VSTM5: variants seen among roughly 807,000 people sequenced by gnomAD.
VSTM5 encodes V-set and transmembrane domain-containing protein 5.
VSTM5 carries 21 observed loss-of-function variants against 20.3 expected under a neutral mutation model. The ratio of observed to expected loss-of-function variants is 1.03; its 90% CI spans 0.73 to 1.49. The LOEUF is 1.49. VSTM5 is among the 40% of genes most tolerant of loss of function. VSTM5 has a pLI of 0.00. For synonymous variants in VSTM5, 100 were observed against 102.5 expected (o/e 0.98, Z 0.14); for missense variants, 219 against 250.0 (o/e 0.88, Z 0.84).
At chr11:93,840,247 T>G (rs1944360085) in intron 1 of VSTM5, among the ~76,000 whole-genome samples, 1 of 152,252 alleles carries the variant, frequency 6.6e-6, no homozygotes, top group South Asian at 2.1e-4. Context: ...GCTAATCTGT[T>G]GTTTTCAAAA....
In VSTM5 at chr11:93,820,475, G is replaced by T; in HGVS notation, c.*94C>A. 7.2e-7 allele frequency: 1 copy of T among 1,392,388 alleles called. No individual in the cohort carries two copies. Among genetic ancestry groups the T allele is most frequent in the South Asian group, 1.3e-5 (1 of 77,346 alleles). 86.3% of individuals were successfully genotyped at this position (1,392,388 alleles called of 1,614,324 possible). On this transcript the variant is annotated 3_prime_UTR_variant, in exon 4 of 4. Coordinates refer to ENST00000409977, the MANE Select transcript of VSTM5 (RefSeq NM_001144871.2). The stretch of plus-strand genomic sequence containing the variant: ...GTCCTGTTAGGAGCGGGCTGCAACA[G>T]GACCACACACAATGGGTATAATAGC...
rs74759212 is a variant in VSTM5 at position 93,843,817 on chromosome 11, C to T, written c.91+6595G>A. On this transcript the variant is annotated intron_variant, in intron 1 of 3. Coordinates refer to ENST00000409977, the MANE Select transcript of VSTM5 (RefSeq NM_001144871.2). ...TGGTCCCAACTTTCTTTTCCATCTACATCTCCTATGACTCCTCACCCCCAA... is the reference window on the plus strand; with the variant it reads ...TGGTCCCAACTTTCTTTTCCATCTATATCTCCTATGACTCCTCACCCCCAA... 4.5e-3 allele frequency among the ~76,000 whole-genome samples: 689 copies of T among 152,282 alleles called. 7 individuals are homozygous for T. Among genetic ancestry groups the T allele is most frequent in the African/African-American group, 0.016 (659 of 41,538 alleles).
intron 1 of VSTM5, among the ~76,000 whole-genome samples, chr11:93,829,539 A>C (rs567585427): frequency 6.6e-6 from 1 of 152,300 alleles, no homozygotes; most frequent in Non-Finnish European, 1.5e-5. Flanking sequence ...AAGAAAAAAG[A>C]AAAAAAGAAA....
chr11:93,842,934 T>C (rs1944382346), intron 1 of VSTM5, among the ~76,000 whole-genome samples: 1 of 151,890 alleles, frequency 6.6e-6, no homozygotes, highest in African/African-American at 2.4e-5. Context: ...AAACCAAAAA[T>C]ACAAAAATTA....
At position 93,820,394 on chromosome 11, in the gene VSTM5, C is replaced by A. The variant is rs1000361346; in HGVS notation, c.*175G>T. 8.9e-6 allele frequency: 6 copies of A among 670,618 alleles called. No homozygotes were observed. The highest frequency in any genetic ancestry group is 1.5e-5 in the Non-Finnish European group (6 of 393,192). 41.5% of individuals were successfully genotyped at this position (670,618 alleles called of 1,614,324 possible). On this transcript the variant is annotated 3_prime_UTR_variant, in exon 4 of 4. Coordinates refer to ENST00000409977, the MANE Select transcript of VSTM5 (RefSeq NM_001144871.2). ...AACTTAGCGCGAGTCCTAATACTAG[C>A]TTTGTCCCATCCACAGTCCTCAACT...
At chr11:93,846,802 C>G (rs1279271975) in intron 1 of VSTM5, among the ~76,000 whole-genome samples, 2 of 140,306 alleles carry the variant, frequency 1.4e-5, no homozygotes, top group East Asian at 4.0e-4. Flanking sequence ...GAGTCTCACT[C>G]TGTCACCAGG....
intron 1 of VSTM5, among the ~76,000 whole-genome samples, chr11:93,846,844 G>A (rs1299514286): frequency 6.8e-6 from 1 of 147,864 alleles, no homozygotes; most frequent in East Asian, 2.0e-4. Context: ...TCGGCTCACT[G>A]CAACCTCTGC....
intron 1 of VSTM5, among the ~76,000 whole-genome samples, chr11:93,836,348 C>T (rs868456303): frequency 2.0e-5 from 3 of 152,226 alleles, no homozygotes; most frequent in Admixed American, 6.5e-5. Flanking sequence ...CCTTGTCTGG[C>T]TCTCCATTGC....
chr11:93,837,503 G>C (rs1944333464), intron 1 of VSTM5, among the ~76,000 whole-genome samples: 2 of 151,984 alleles, frequency 1.3e-5, no homozygotes, highest in African/African-American at 4.8e-5. Flanking sequence ...GGAAGCAAGG[G>C]CTTCAGAGGA....
chr11:93,845,605 G>A (rs1004662684), intron 1 of VSTM5, among the ~76,000 whole-genome samples: 1 of 152,124 alleles, frequency 6.6e-6, no homozygotes, highest in Admixed American at 6.5e-5. Flanking sequence ...TGCTGGATAA[G>A]TAATTACTTT....
At chr11:93,839,379 A>G (rs1944351842) in intron 1 of VSTM5, among the ~76,000 whole-genome samples, 1 of 152,122 alleles carries the variant, frequency 6.6e-6, no homozygotes, top group Admixed American at 6.5e-5. Context: ...GTCTAGGGAG[A>G]GGCCTGGCAC....
In VSTM5 at chr11:93,821,155, GC is replaced by G. The variant is rs2135728830; in HGVS notation, c.259del (p.Ala87ProfsTer26). On this transcript the variant is annotated frameshift_variant, in exon 2 of 4. Coordinates refer to ENST00000409977, the MANE Select transcript of VSTM5 (RefSeq NM_001144871.2). LOFTEE classifies it high-confidence loss of function. ...KIVEWKPGTQANISQSHKDRV... is the reference protein window; with the variant it reads ...KIVEWKPGTQXNISQSHKDRV... ...GTCCTTGTGGCTTTGAGAGATGTTG[GC>G]CTGAGTCCCTGGTTTCCACTCCACG... 6.4e-7 allele frequency: 1 copy of G among 1,552,166 alleles called. No homozygotes were observed. The highest frequency in any genetic ancestry group is 8.7e-7 in the Non-Finnish European group (1 of 1,147,086).
intron 1 of VSTM5, among the ~76,000 whole-genome samples, chr11:93,841,752 A>G (rs966353479): frequency 2.6e-5 from 4 of 152,226 alleles, no homozygotes; most frequent in Non-Finnish European, 5.9e-5. Context: ...CATACCTGCC[A>G]GGCAGGGGCT....
intron 1 of VSTM5, among the ~76,000 whole-genome samples, chr11:93,834,311 C>T (rs928614142): frequency 6.6e-6 from 1 of 152,180 alleles, no homozygotes; most frequent in African/African-American, 2.4e-5. Context: ...TACAGGCTCC[C>T]TCCTCTTCCT....
intron 1 of VSTM5, among the ~76,000 whole-genome samples, chr11:93,834,505 G>T (rs1748481415): frequency 6.6e-6 from 1 of 152,104 alleles, no homozygotes; most frequent in East Asian, 1.9e-4. Flanking sequence ...GGCCATGTGT[G>T]GTGGCTCATG....
chr11:93,820,969 G>A (rs1944177711), intron 2 of VSTM5, 28 bp downstream of exon 2: 3 of 1,551,008 alleles, frequency 1.9e-6, no homozygotes, highest in East Asian at 4.9e-5. Flanking sequence ...CAGTTCAGAG[G>A]GGTGCCCGGG....
chr11:93,843,390 T>C (rs55841324), intron 1 of VSTM5, among the ~76,000 whole-genome samples: 32,351 of 151,936 alleles, frequency 0.21, 3,560 homozygotes, highest in Middle Eastern at 0.28. Context: ...GGGGTTGGTC[T>C]GTCTTGGTGA....
At chr11:93,840,079 T>C (rs1171715340) in intron 1 of VSTM5, among the ~76,000 whole-genome samples, 1 of 152,178 alleles carries the variant, frequency 6.6e-6, no homozygotes, top group Non-Finnish European at 1.5e-5. Flanking sequence ...GCCTGAGAAC[T>C]AACCAGCCCT....
At chr11:93,831,725 C>A (rs970316332) in intron 1 of VSTM5, among the ~76,000 whole-genome samples, 1 of 152,118 alleles carries the variant, frequency 6.6e-6, no homozygotes, top group Non-Finnish European at 1.5e-5. Context: ...GAATTTGTAC[C>A]CAAACCAGGA....
Sources: gnomAD v4.1 joint callset for allele counts (sites outside exome capture counted in the v4.1 genomes callset) on GRCh38, gnomAD v4.1.1 for gene constraint, MANE v1.5 for transcripts, NCBI Gene and HGNC (gene_info 2026-07-23, HGNC 2026-07-21) for gene names.